The following G6PC1 variants were observed in gnomAD, a reference collection of about 807,000 sequenced individuals.
G6PC1 encodes the protein glucose-6-phosphatase catalytic subunit 1.
G6PC1 carries 23 observed loss-of-function variants against 30.4 expected under a neutral mutation model. That is an observed-to-expected ratio of 0.76 (90% CI 0.55 to 1.07). G6PC1 has a LOEUF of 1.07. Ranked by LOEUF, G6PC1 falls within the 50% of genes least tolerant of loss-of-function variation. The pLI, the probability that G6PC1 is intolerant of heterozygous loss-of-function variation, is 0.00. For missense variants in G6PC1, 391 were observed against 433.9 expected (o/e 0.90, Z 0.88); for synonymous variants, 163 against 175.6 (o/e 0.93, Z 0.57).
At chr17:42,901,783 G>A (rs1164112082) in intron 1 of G6PC1, among the ~76,000 whole-genome samples, 3 of 152,098 alleles carry the variant, frequency 2.0e-5, no homozygotes, top group African/African-American at 4.8e-5. Context: ...TGTTTTGTGG[G>A]GTAATGAAAA....
In G6PC1 at chr17:42,901,024, T is replaced by G; in HGVS notation, c.148T>G (p.Trp50Gly). The change falls in exon 1 of 5, where the codon TGG becomes GGG. Residue 50 changes from tryptophan (W) to glycine (G), a missense_variant. By Grantham distance (184) the Trp-to-Gly change is radical. Transcript: ENST00000253801. Reference sequence around the variant, plus strand: ...TGCCTTCTACGTCCTCTTCCCCATCTGGTTCCATCTTCAGGAAGCTGTGGG... The same window carrying G: ...TGCCTTCTACGTCCTCTTCCCCATCGGGTTCCATCTTCAGGAAGCTGTGGG... ...RNAFYVLFPI[W>G]FHLQEAVGIK... 1.9e-6 allele frequency: 3 copies of G among 1,614,210 alleles called. No homozygotes were observed. Among genetic ancestry groups the G allele is most frequent in the Non-Finnish European group, 2.5e-6 (3 of 1,180,032 alleles).
intron 1 of G6PC1, among the ~76,000 whole-genome samples, chr17:42,903,349 G>A (rs2056038962): frequency 1.3e-5 from 2 of 151,790 alleles, no homozygotes; most frequent in Non-Finnish European, 2.9e-5. Flanking sequence ...CTCCCAAAGT[G>A]CTGAGATTAC....
At chr17:42,905,443 T>TACACACACACAC (rs748185736) in intron 2 of G6PC1, among the ~76,000 whole-genome samples, 6 of 87,924 alleles carry the variant, frequency 6.8e-5, no homozygotes, top group African/African-American at 3.3e-4. Context: ...TATATATATA[T>TACACACACACAC]ACACACACAC....
At chr17:42,907,726 G>A (rs772500296) in intron 3 of G6PC1, 98 bp downstream of exon 3, 6 of 830,932 alleles carry the variant, frequency 7.2e-6, no homozygotes, top group Non-Finnish European at 1.0e-5. Context: ...CCCCTAGCCC[G>A]CTCCCACACC....
At chr17:42,906,083 A>G (rs1422610079) in intron 2 of G6PC1, among the ~76,000 whole-genome samples, 1 of 151,280 alleles carries the variant, frequency 6.6e-6, no homozygotes, top group Non-Finnish European at 1.5e-5. Context: ...TACCCAAGGT[A>G]TATAATTGTT....
rs1333778984 is a variant in G6PC1, at chr17:42,912,648, T to C, written c.*1222T>C. ...GTCAACATCTTCTCTCTTTTTTTTT[T>C]TTTTTGAGACAGGGTCTCACTATGT... On this transcript the variant is annotated 3_prime_UTR_variant, in exon 5 of 5. Coordinates refer to ENST00000253801, the MANE Select transcript of G6PC1 (RefSeq NM_000151.4). 6.6e-6 allele frequency: 1 copy of C among 151,688 alleles called. No individual in the cohort carries two copies. Among genetic ancestry groups the C allele is most frequent in the East Asian group, 1.9e-4 (1 of 5,192 alleles). 9.4% of individuals were successfully genotyped at this position (151,688 alleles called of 1,614,324 possible). A position where few individuals can be genotyped will look rare whatever the true frequency, so the allele number is the denominator to read the frequency against.
Position 42,913,713 on chromosome 17 carries a change from G to T in G6PC1, c.*2287G>T, listed in dbSNP as rs1012119560. Among the ~76,000 whole-genome samples, 2 of 152,110 alleles carry T rather than the reference G, an allele frequency of 1.3e-5. No individual in the cohort carries two copies. Among genetic ancestry groups the T allele is most frequent in the Non-Finnish European group, 2.9e-5 (2 of 68,010 alleles). ...GGTCACTATCAAATTAAGCAATCAG[G>T]GCACACAAGTTGCAGTAACACAACA... is the stretch of plus-strand genomic sequence containing the variant. On this transcript the variant is annotated 3_prime_UTR_variant, in exon 5 of 5. Transcript: ENST00000253801.
chr17:42,906,730 A>T (rs1008345652), intron 2 of G6PC1, among the ~76,000 whole-genome samples: 3 of 152,060 alleles, frequency 2.0e-5, no homozygotes, highest in African/African-American at 7.2e-5. Context: ...CATTTAAAAA[A>T]TTTGCTGTGT....
At chr17:42,905,427 A>ATATAT (rs1234141595) in intron 2 of G6PC1, among the ~76,000 whole-genome samples, 5 of 132,636 alleles carry the variant, frequency 3.8e-5, no homozygotes, top group East Asian at 2.0e-4. Context: ...AAAAAAAAAA[A>ATATAT]AAATATATAT....
At chr17:42,904,112 G>A (rs767117116) in intron 2 of G6PC1, 72 bp downstream of exon 2, 67 of 952,308 alleles carry the variant, frequency 7.0e-5, no homozygotes, top group Non-Finnish European at 1.1e-4. Context: ...AACTGACCTT[G>A]AGGGGACATG....
At chr17:42,910,683 T>C (rs1489747003) in intron 4 of G6PC1, among the ~76,000 whole-genome samples, 1 of 152,252 alleles carries the variant, frequency 6.6e-6, no homozygotes, top group East Asian at 1.9e-4. Flanking sequence ...GGTAGGAAAT[T>C]TGCATACGGT....
At chr17:42,904,248 T>C (rs890008619) in intron 2 of G6PC1, 3 of 553,804 alleles carry the variant, frequency 5.4e-6, no homozygotes, top group Non-Finnish European at 1.0e-5. Context: ...CTGGATGGAG[T>C]CCAGAGAGGC....
In G6PC1 at chr17:42,913,342, A is replaced by G. The variant is rs2056108173; in HGVS notation, c.*1916A>G. 6.6e-6 allele frequency: 1 copy of G among 152,218 alleles called. No individual in the cohort carries two copies. The highest frequency in any genetic ancestry group is 2.1e-4 in the South Asian group (1 of 4,836). 9.4% of individuals were successfully genotyped at this position (152,218 alleles called of 1,614,324 possible). On this transcript the variant is annotated 3_prime_UTR_variant, in exon 5 of 5. Transcript: ENST00000253801. Reference sequence around the variant, plus strand: ...TTTATTTAAGAATAAAGTCTTGTTAATTACTATATTTTAGATGCAATGTGA... The same window carrying G: ...TTTATTTAAGAATAAAGTCTTGTTAGTTACTATATTTTAGATGCAATGTGA...
In G6PC1 at chr17:42,912,879, T is replaced by G. The variant is rs1478956503; in HGVS notation, c.*1453T>G. 2 of 152,022 alleles carry G rather than the reference T, an allele frequency of 1.3e-5. No homozygotes were observed. The highest frequency in any genetic ancestry group is 4.8e-5 in the African/African-American group (2 of 41,348). 9.4% of individuals were successfully genotyped at this position (152,022 alleles called of 1,614,324 possible). A position where few individuals can be genotyped will look rare whatever the true frequency, so the allele number is the denominator to read the frequency against. On this transcript the variant is annotated 3_prime_UTR_variant, in exon 5 of 5. Coordinates refer to ENST00000253801, the MANE Select transcript of G6PC1 (RefSeq NM_000151.4). ...GGCACGATCTTGGCTCACTGCAACC[T>G]CTTCCTCCTGGTTCAAGCGATTCTC...
chr17:42,904,033 T>C lies in G6PC1; in HGVS notation c.333T>C (p.Thr111=). 6.2e-7 allele frequency: 1 copy of C among 1,611,328 alleles called. No homozygotes were observed. Among genetic ancestry groups the C allele is most frequent in the Non-Finnish European group, 8.5e-7 (1 of 1,177,382 alleles). Residue 111 remains threonine, a synonymous_variant, in exon 2 of 5, where the codon ACT becomes ACC. Transcript: ENST00000253801. ...LIKQFPVTCE[T]GPGSPSGHAM... ...AGCAGTTCCCTGTAACCTGTGAGACTGGACCAGGTAAGCGTCCCAGCCCCT... is the reference window on the plus strand; with the variant it reads ...AGCAGTTCCCTGTAACCTGTGAGACCGGACCAGGTAAGCGTCCCAGCCCCT...
At chr17:42,906,805 A>G (rs984635119) in intron 2 of G6PC1, among the ~76,000 whole-genome samples, 1 of 151,990 alleles carries the variant, frequency 6.6e-6, no homozygotes, top group Admixed American at 6.6e-5. Flanking sequence ...GCTTGAGTCC[A>G]GGAGGTCGAG....
At position 42,911,437 on chromosome 17, in the gene G6PC1, G is replaced by C; in HGVS notation, c.*11G>C. 6.8e-6 allele frequency: 11 copies of C among 1,614,126 alleles called. No individual in the cohort carries two copies. Among genetic ancestry groups the C allele is most frequent in the Non-Finnish European group, 9.3e-6 (11 of 1,180,028 alleles). ...AAGAAGTCGTTGTAAGAGATGTGGA[G>C]TCTTCGGTGTTTAAAGTCAACAACC... On this transcript the variant is annotated 3_prime_UTR_variant, in exon 5 of 5. Coordinates refer to ENST00000253801, the MANE Select transcript of G6PC1 (RefSeq NM_000151.4).
At chr17:42,908,257 G>A (rs1021492323) in intron 3 of G6PC1, among the ~76,000 whole-genome samples, 3 of 152,088 alleles carry the variant, frequency 2.0e-5, no homozygotes, top group Non-Finnish European at 4.4e-5. Flanking sequence ...GGCTGGTCTT[G>A]ATCTCAAGCA....
rs543489786 is a variant in G6PC1 at position 42,909,964 on chromosome 17, G to A, written c.562+546G>A. Among the ~76,000 whole-genome samples, 6 of 151,364 alleles carry A rather than the reference G, an allele frequency of 4.0e-5. No homozygotes were observed. In the South Asian group the frequency reaches 1.0e-3, roughly 26 times the overall value. On this transcript the variant is annotated intron_variant, in intron 4 of 4. Transcript: ENST00000253801. ...TGCAAGCTCCACCTCCTGGGTTCAC[G>A]CCATTCTCCTGCCTCAGCCTCTCCG...
Sources: allele counts gnomAD v4.1 joint callset (sites outside exome capture counted in the v4.1 genomes callset), GRCh38; gene constraint gnomAD v4.1.1; transcripts MANE v1.5; gene names NCBI Gene and HGNC (gene_info 2026-07-23, HGNC 2026-07-21).